CPPED1: variants seen among roughly 807,000 people sequenced by gnomAD.
CPPED1 encodes calcineurin like phosphoesterase domain containing 1.
CPPED1 carries 28 observed loss-of-function variants against 28.0 expected under a neutral mutation model. The observed-to-expected ratio is 1.00, with a 90% CI of 0.74 to 1.37. The LOEUF (loss-of-function observed/expected upper bound fraction) is 1.37, where lower values mean the gene tolerates loss of function less well. Among genes scored for constraint, CPPED1 ranks in the 40% most tolerant of loss-of-function variants. CPPED1 has a pLI of 0.00. For synonymous variants in CPPED1, 198 were observed against 180.2 expected, an observed-to-expected ratio of 1.10 and a Z score of -0.79; for missense variants, 504 against 416.5, an observed-to-expected ratio of 1.21 and a Z score of -1.83.
At chr16:12,801,593 T>C (rs146396998) in intron 1 of CPPED1, among the ~76,000 whole-genome samples, 130 of 152,074 alleles carry the variant, frequency 8.5e-4, no homozygotes, top group African/African-American at 3.0e-3. Context: ...ACCCAGAACA[T>C]AGCTTGTAGG....
In CPPED1 at chr16:12,665,836, A is replaced by G. The variant is rs929727495; in HGVS notation, c.716-721T>C. On this transcript the variant is annotated intron_variant, in intron 3 of 3. Coordinates refer to ENST00000381774, the MANE Select transcript of CPPED1 (RefSeq NM_018340.3). ...GCTACCTGGGAGGCTGAGACAGGAG[A>G]ATCACGTGAACTCGGGAGGTGGAGG... Among the ~76,000 whole-genome samples the G allele has an allele frequency of 4.6e-5, 7 of 152,306 alleles. No homozygotes were observed. The South Asian group carries it at 6.2e-4, about 14-fold the overall frequency.
intron 2 of CPPED1, 77 bp from the exon 3 acceptor site, chr16:12,705,126 C>T: frequency 7.1e-7 from 1 of 1,412,386 alleles, no homozygotes; most frequent in African/African-American, 1.4e-5. Flanking sequence ...TACTTACTAA[C>T]ATAAAATTTA....
At chr16:12,754,920 AG>A (rs1319843855) in intron 2 of CPPED1, among the ~76,000 whole-genome samples, 12 of 152,158 alleles carry the variant, frequency 7.9e-5, no homozygotes, top group Non-Finnish European at 2.9e-5. Context: ...CTGAGGTGGG[AG>A]GATGGCTTGA....
chr16:12,800,540 T>A (rs973659020), intron 1 of CPPED1, among the ~76,000 whole-genome samples: 1 of 152,050 alleles, frequency 6.6e-6, no homozygotes, highest in African/African-American at 2.4e-5. Context: ...TGCTCTAAAG[T>A]AGAAATGCTT....
chr16:12,797,613 G>A (rs971118164), intron 1 of CPPED1, among the ~76,000 whole-genome samples: 2 of 152,072 alleles, frequency 1.3e-5, no homozygotes, highest in African/African-American at 4.8e-5. Flanking sequence ...CCTAGCACAG[G>A]GATTTCCAAT....
At chr16:12,726,027 T>A (rs1157330697) in intron 2 of CPPED1, among the ~76,000 whole-genome samples, 1 of 150,614 alleles carries the variant, frequency 6.6e-6, no homozygotes, top group East Asian at 2.0e-4. Flanking sequence ...GGAGATCCCA[T>A]CTCTAAAAAA....
rs35865113 is a variant in CPPED1 at position 12,726,340 on chromosome 16, C to CT, written c.290-21292dup. ...CAGGTGTGAGCCACTGCACCCAGCC[C>CT]TTTTTTTTTTTTTTTTTTTTAATAC... On this transcript the variant is annotated intron_variant, in intron 2 of 3. Coordinates refer to ENST00000381774, the MANE Select transcript of CPPED1 (RefSeq NM_018340.3). Among the ~76,000 whole-genome samples the CT allele has an allele frequency of 7.2e-3, 768 of 107,372 alleles. 5 individuals carry two copies. The highest frequency in any genetic ancestry group is 0.011 in the Non-Finnish European group (585 of 55,562). 70.4% of individuals were successfully genotyped at this position (107,372 alleles called of 152,430 possible). A position where few individuals can be genotyped will look rare whatever the true frequency, so the allele number is the denominator to read the frequency against.
intron 2 of CPPED1, among the ~76,000 whole-genome samples, chr16:12,766,893 G>T (rs2080442902): frequency 1.3e-5 from 2 of 152,190 alleles, no homozygotes; most frequent in South Asian, 2.1e-4. Flanking sequence ...TTGCCTAACG[G>T]CCTCTACAAT....
At chr16:12,767,653 A>G (rs556305657) in intron 2 of CPPED1, among the ~76,000 whole-genome samples, 91 of 152,332 alleles carry the variant, frequency 6.0e-4, no homozygotes, top group Admixed American at 4.1e-3. Flanking sequence ...CCAGGTAAAG[A>G]AACCTACGCC....
chr16:12,787,615 C>A (rs1485503640), intron 1 of CPPED1, among the ~76,000 whole-genome samples: 1 of 151,692 alleles, frequency 6.6e-6, no homozygotes, highest in Non-Finnish European at 1.5e-5. Context: ...CTATGTTGGC[C>A]AGGCTGGTTT....
chr16:12,734,411 C>T (rs900905363), intron 2 of CPPED1, among the ~76,000 whole-genome samples: 2 of 149,202 alleles, frequency 1.3e-5, no homozygotes, highest in Non-Finnish European at 3.0e-5. Flanking sequence ...CGGAGTCTCG[C>T]TCTTGTCGCC....
chr16:12,669,581 T>C (rs1032655459), intron 3 of CPPED1, among the ~76,000 whole-genome samples: 3 of 152,194 alleles, frequency 2.0e-5, no homozygotes, highest in African/African-American at 7.2e-5. Context: ...ATATCAGTGG[T>C]AATTCATGTT....
Position 12,667,414 on chromosome 16 carries a change from G to A in CPPED1, c.716-2299C>T, listed in dbSNP as rs2079831499. On this transcript the variant is annotated intron_variant, in intron 3 of 3. Transcript: ENST00000381774. ...AGGAGGTAATGAACATTTAGAGATG[G>A]TGGACACAAAACATCCATTAAAATT... Among the ~76,000 whole-genome samples, 3 of 152,144 alleles carry A rather than the reference G, an allele frequency of 2.0e-5. No individual in the cohort carries two copies. The East Asian group carries it at 5.8e-4, about 29-fold the overall frequency.
At chr16:12,684,136 C>G (rs2079920441) in intron 3 of CPPED1, among the ~76,000 whole-genome samples, 1 of 152,196 alleles carries the variant, frequency 6.6e-6, no homozygotes, top group South Asian at 2.1e-4. Flanking sequence ...GCCTGCCATG[C>G]TAGTGCCCTG....
intron 2 of CPPED1, among the ~76,000 whole-genome samples, chr16:12,730,814 A>T (rs1374602937): frequency 1.3e-5 from 2 of 152,210 alleles, no homozygotes; most frequent in East Asian, 3.8e-4. Context: ...GAGTCTGGCA[A>T]ATGTTCCACA....
At chr16:12,732,160 C>A (rs1438589163) in intron 2 of CPPED1, among the ~76,000 whole-genome samples, 13 of 150,070 alleles carry the variant, frequency 8.7e-5, no homozygotes, top group African/African-American at 3.0e-4. Flanking sequence ...AAAAAAAAAT[C>A]ATTAGCATTC....
chr16:12,681,521 C>T (rs2079904745), intron 3 of CPPED1, among the ~76,000 whole-genome samples: 1 of 152,156 alleles, frequency 6.6e-6, no homozygotes, highest in African/African-American at 2.4e-5. Context: ...ATGTAAATTA[C>T]ACTTTTCATA....
intron 2 of CPPED1, among the ~76,000 whole-genome samples, chr16:12,708,895 C>T (rs746981682): frequency 1.3e-5 from 2 of 152,156 alleles, no homozygotes; most frequent in Non-Finnish European, 2.9e-5. Flanking sequence ...GCCTGGCTAA[C>T]ATGACAAAAC....
intron 3 of CPPED1, among the ~76,000 whole-genome samples, chr16:12,697,043 G>C (rs979953500): frequency 1.3e-5 from 2 of 151,382 alleles, no homozygotes; most frequent in African/African-American, 2.4e-5. Context: ...TTTATTTTTT[G>C]AGTCAGAATC....
Sources: gnomAD v4.1 joint callset for allele counts (sites outside exome capture counted in the v4.1 genomes callset) on GRCh38, gnomAD v4.1.1 for gene constraint, MANE v1.5 for transcripts, NCBI Gene and HGNC (gene_info 2026-07-23, HGNC 2026-07-21) for gene names.